Variants in TENM3 observed in about 807,000 individuals in gnomAD.
TENM3 encodes the protein teneurin transmembrane protein 3.
In TENM3, 63 loss-of-function variants were observed where a neutral mutation model predicts 255.1. That is an observed-to-expected ratio of 0.25 (90% CI 0.20 to 0.30). The LOEUF (loss-of-function observed/expected upper bound fraction) is 0.30, where lower values mean the gene tolerates loss of function less well. Ranked by LOEUF, TENM3 falls within the 10% of genes least tolerant of loss-of-function variation. The probability of loss-of-function intolerance (pLI) is 1.00; values close to 1 mark genes in which losing one functional copy is unlikely to be tolerated. For synonymous variants in TENM3, 1,306 were observed against 1,322.3 expected (o/e 0.99, Z 0.27); for missense variants, 2,929 against 3,461.1 (o/e 0.85, Z 3.86).
the TENM3 span, among the ~76,000 whole-genome samples, chr4:182,137,546 A>C: frequency 7.2e-5 from 11 of 152,178 alleles, no homozygotes; most frequent in African/African-American, 2.4e-4. Flanking sequence ...TCATCTCAGC[A>C]TGAGGTCAGA....
chr4:181,825,571 A>C, the TENM3 span, among the ~76,000 whole-genome samples: 1 of 152,322 alleles, frequency 6.6e-6, no homozygotes, highest in Admixed American at 6.5e-5. Flanking sequence ...GAAGGAGATT[A>C]GGAAAGGCAT....
the TENM3 span, among the ~76,000 whole-genome samples, chr4:181,886,886 CATT>C: frequency 6.6e-6 from 1 of 152,104 alleles, no homozygotes; most frequent in African/African-American, 2.4e-5. Flanking sequence ...GAATATCTGA[CATT>C]ATTCCTAGTG....
the TENM3 span, among the ~76,000 whole-genome samples, chr4:181,899,361 C>T: frequency 6.6e-6 from 1 of 151,788 alleles, no homozygotes; most frequent in Non-Finnish European, 1.5e-5. Context: ...TTTTTATTTG[C>T]TTATAAATTT....
chr4:181,507,795 G>A, the TENM3 span, among the ~76,000 whole-genome samples: 1 of 152,164 alleles, frequency 6.6e-6, no homozygotes, highest in African/African-American at 2.4e-5. Context: ...AATTAATGGT[G>A]TTTGCAAACA....
chr4:182,613,575 C>T (rs1024865603), intron 4 of TENM3, among the ~76,000 whole-genome samples: 1 of 152,214 alleles, frequency 6.6e-6, no homozygotes, highest in African/African-American at 2.4e-5. Context: ...TTACTTAAGA[C>T]TATGAGAAGT....
At chr4:181,527,525 C>A in the TENM3 span, among the ~76,000 whole-genome samples, 4 of 152,004 alleles carry the variant, frequency 2.6e-5, no homozygotes, top group South Asian at 4.2e-4. Flanking sequence ...CAAGCCACCA[C>A]GCCTGGCTAA....
chr4:182,175,312 A>AT (rs1228001808), intron 1 of TENM3, among the ~76,000 whole-genome samples: 316 of 79,262 alleles, frequency 4.0e-3, no homozygotes, highest in Middle Eastern at 0.026. Flanking sequence ...TAAAAAAAAA[A>AT]AAATATATAT....
chr4:181,990,201 C>T, the TENM3 span, among the ~76,000 whole-genome samples: 7 of 152,168 alleles, frequency 4.6e-5, no homozygotes, highest in South Asian at 1.5e-3. Context: ...TTCATCTAGC[C>T]TAATCACATG....
In TENM3 at chr4:182,211,812, A is replaced by G. The variant is rs1204969416; in HGVS notation, c.-76+67058A>G. 2.0e-5 allele frequency among the ~76,000 whole-genome samples: 3 copies of G among 152,154 alleles called. 1 individual carries two copies. Among genetic ancestry groups the G allele is most frequent in the Non-Finnish European group, 4.4e-5 (3 of 68,022 alleles). Reference sequence around the variant, plus strand: ...TGTTTTTGTCTTTAATTATTTGAAAATTGATCTTTTACTTACCGTGTGACT... The same window carrying G: ...TGTTTTTGTCTTTAATTATTTGAAAGTTGATCTTTTACTTACCGTGTGACT... On this transcript the variant is annotated intron_variant, in intron 1 of 2. Transcript: ENST00000512480.
At chr4:181,728,783 C>G in the TENM3 span, among the ~76,000 whole-genome samples, 2 of 152,150 alleles carry the variant, frequency 1.3e-5, no homozygotes, top group East Asian at 3.9e-4. Context: ...GGGAATGCAG[C>G]CCAGCAGGTC....
the TENM3 span, among the ~76,000 whole-genome samples, chr4:182,094,459 G>T: frequency 1.3e-5 from 2 of 152,106 alleles, no homozygotes; most frequent in Non-Finnish European, 2.9e-5. Flanking sequence ...TGTTGGCCAG[G>T]CTGGTCTCGA....
At chr4:182,214,512 GTATT>G (rs56013840) in intron 1 of TENM3, among the ~76,000 whole-genome samples, 31,990 of 147,110 alleles carry the variant, frequency 0.22, 3,566 homozygotes, top group African/African-American at 0.23. Context: ...TCTATTTATT[GTATT>G]TATTTATTTA....
chr4:182,461,441 G>T (rs1278706898), intron 3 of TENM3, among the ~76,000 whole-genome samples: 1 of 152,164 alleles, frequency 6.6e-6, no homozygotes, highest in Non-Finnish European at 1.5e-5. Context: ...GATAAGGTTA[G>T]AAAAGTGGGT....
intron 3 of TENM3, among the ~76,000 whole-genome samples, chr4:182,489,656 C>T (rs918589966): frequency 1.3e-5 from 2 of 152,112 alleles, no homozygotes; most frequent in Non-Finnish European, 2.9e-5. Context: ...CTTTGCTTAC[C>T]GCTTACAAAT....
the TENM3 span, among the ~76,000 whole-genome samples, chr4:181,873,843 G>A: frequency 3.9e-5 from 6 of 152,128 alleles, no homozygotes; most frequent in Non-Finnish European, 8.8e-5. Flanking sequence ...GAAGTGCAGT[G>A]GCATGATCTT....
the TENM3 span, among the ~76,000 whole-genome samples, chr4:181,919,193 T>C: frequency 1.3e-5 from 2 of 152,114 alleles, no homozygotes; most frequent in Non-Finnish European, 2.9e-5. Flanking sequence ...TTAATTCAGT[T>C]GAGGAGGACT....
At chr4:182,765,889 C>CACTT (rs1763676479) in intron 22 of TENM3, among the ~76,000 whole-genome samples, 2 of 152,148 alleles carry the variant, frequency 1.3e-5, no homozygotes, top group South Asian at 4.1e-4. Context: ...AAAGAAATAA[C>CACTT]ACTTAACAAA....
chr4:182,108,932 C>A, the TENM3 span, among the ~76,000 whole-genome samples: 13 of 151,966 alleles, frequency 8.6e-5, no homozygotes, highest in African/African-American at 3.1e-4. Context: ...AATTCAATTT[C>A]TTAGACTGAA....
chr4:182,698,330 C>G (rs572972297), intron 12 of TENM3, among the ~76,000 whole-genome samples: 1 of 152,216 alleles, frequency 6.6e-6, no homozygotes, highest in African/African-American at 2.4e-5. Flanking sequence ...TTGGACTCTT[C>G]TACCAACCTC....
Sources: gnomAD v4.1 joint callset for allele counts (sites outside exome capture counted in the v4.1 genomes callset) on GRCh38, gnomAD v4.1.1 for gene constraint, MANE v1.5 for transcripts, NCBI Gene and HGNC (gene_info 2026-07-23, HGNC 2026-07-21) for gene names.